The following TNFRSF21 variants were observed in gnomAD, a reference collection of about 807,000 sequenced individuals.
The protein encoded by TNFRSF21 is TNF receptor superfamily member 21.
TNFRSF21 carries 19 observed loss-of-function variants against 45.6 expected under a neutral mutation model. The observed-to-expected ratio is 0.42, with a 90% CI of 0.29 to 0.61. The LOEUF is 0.61. Among genes scored for constraint, TNFRSF21 ranks in the 20% least tolerant of loss-of-function variants. The pLI is 0.23. For synonymous variants in TNFRSF21, 314 were observed against 335.5 expected (o/e 0.94, Z 0.70); for missense variants, 737 against 851.5 (o/e 0.87, Z 1.67).
Position 47,232,969 on chromosome 6 carries a change from C to T in TNFRSF21, c.1764G>A (p.Gln588=). Reference sequence around the variant, plus strand: ...GCAAGTCACAGGGGTCCAGGCGTACCTGCCGCAACACTGTGTCCTTCTTTT... The same window carrying T: ...GCAAGTCACAGGGGTCCAGGCGTACTTGCCGCAACACTGTGTCCTTCTTTT... The part of the protein sequence containing the change: ...TKEKKDTVLR[Q]VRLDPCDLQP... Residue 588 remains glutamine (Q), a synonymous_variant, in exon 6 of 6, where the codon CAG becomes CAA. Transcript: ENST00000296861. 1 of 1,614,170 alleles carries T rather than the reference C, an allele frequency of 6.2e-7. No homozygotes were observed. The highest frequency in any genetic ancestry group is 8.5e-7 in the Non-Finnish European group (1 of 1,180,036).
chr6:47,253,185 T>C, intron 4 of TNFRSF21, 71 bp downstream of exon 4: 3 of 1,546,254 alleles, frequency 1.9e-6, no homozygotes, highest in South Asian at 1.2e-5. Context: ...TTTGTTCCCA[T>C]ACAACTGATA....
rs1194527203 is a variant in TNFRSF21 at position 47,284,575 on chromosome 6, A to C, written c.749-143T>G. On this transcript the variant is annotated intron_variant, in intron 2 of 5. Transcript: ENST00000296861. ...GGGGCTTAAGAATAAATTGTGTTGCACATTTTCATAAAGACCCTAATGGCA... is the reference window on the plus strand; with the variant it reads ...GGGGCTTAAGAATAAATTGTGTTGCCCATTTTCATAAAGACCCTAATGGCA... The C allele has an allele frequency of 2.9e-6, 3 of 1,018,876 alleles. No homozygotes were observed. The South Asian group carries it at 1.1e-4, about 36-fold the overall frequency. 63.1% of individuals were successfully genotyped at this position (1,018,876 alleles called of 1,614,324 possible). A position where few individuals can be genotyped will look rare whatever the true frequency, so the allele number is the denominator to read the frequency against.
In TNFRSF21 at chr6:47,309,636, C is replaced by G; in HGVS notation, c.-125G>C. The G allele has an allele frequency of 7.7e-7, 1 of 1,292,970 alleles. No homozygotes were observed. Among genetic ancestry groups the G allele is most frequent in the Non-Finnish European group, 9.9e-7 (1 of 1,007,050 alleles). 80.1% of individuals were successfully genotyped at this position (1,292,970 alleles called of 1,614,324 possible). ...CGGGAGCCCATCTACCTCCAACACC[C>G]CATGTGCACTGCTGCGGCCGGGCAG... On this transcript the variant is annotated 5_prime_UTR_variant, in exon 1 of 6. Coordinates refer to ENST00000296861, the MANE Select transcript of TNFRSF21 (RefSeq NM_014452.5).
chr6:47,290,211 GAGAAC>G (rs1762703402), intron 1 of TNFRSF21, among the ~76,000 whole-genome samples: 1 of 150,050 alleles, frequency 6.7e-6, no homozygotes, highest in Non-Finnish European at 1.5e-5. Flanking sequence ...TAAGAAAGAA[GAGAAC>G]TGAACCCAAG....
chr6:47,264,039 A>G (rs1291446461), intron 3 of TNFRSF21, among the ~76,000 whole-genome samples: 2 of 152,216 alleles, frequency 1.3e-5, no homozygotes, highest in Non-Finnish European at 2.9e-5. Flanking sequence ...AATTCCAGAA[A>G]TTCCTCTTCT....
rs189820697 is a variant in TNFRSF21, at chr6:47,249,259, T to C, written c.1509+3997A>G. On this transcript the variant is annotated intron_variant, in intron 4 of 5. Transcript: ENST00000296861. ...TCATCTTTGCATTGCCCAAAGTGCC[T>C]GTTATAATACTGTGCACAAAATGTG... 2.8e-3 allele frequency among the ~76,000 whole-genome samples: 430 copies of C among 152,356 alleles called. 1 individual carries two copies. The highest frequency in any genetic ancestry group is 4.9e-3 in the Non-Finnish European group (331 of 68,034).
chr6:47,249,065 G>A (rs769122449), intron 4 of TNFRSF21, among the ~76,000 whole-genome samples: 1 of 152,146 alleles, frequency 6.6e-6, no homozygotes, highest in Non-Finnish European at 1.5e-5. Flanking sequence ...CCCGGCACAC[G>A]TCTCCATACT....
At chr6:47,298,284 TAAAAAAA>T (rs558717941) in intron 1 of TNFRSF21, among the ~76,000 whole-genome samples, 11 of 74,408 alleles carry the variant, frequency 1.5e-4, no homozygotes, top group East Asian at 7.1e-4. Context: ...TACAAAAAAT[TAAAAAAA>T]AAAAAAAAAA....
intron 4 of TNFRSF21, among the ~76,000 whole-genome samples, chr6:47,239,145 G>A (rs895542612): frequency 3.9e-5 from 6 of 152,160 alleles, no homozygotes; most frequent in Admixed American, 3.9e-4. Flanking sequence ...AATTAGCCGG[G>A]CATGGTGGCA....
intron 4 of TNFRSF21, among the ~76,000 whole-genome samples, chr6:47,237,773 G>A (rs1764680858): frequency 6.6e-6 from 1 of 151,842 alleles, no homozygotes; most frequent in South Asian, 2.1e-4. Flanking sequence ...CATTTCAGTT[G>A]ACCATAACCA....
rs527464216 is a variant in TNFRSF21, at chr6:47,253,119, T to G, written c.1509+137A>C. The G allele has an allele frequency of 2.5e-5, 26 of 1,030,378 alleles. No homozygotes were observed. In the South Asian group the frequency reaches 4.1e-4, roughly 16 times the overall value. The allele number at this position is 1,030,378 out of a possible 1,614,324, so 63.8% of individuals were successfully genotyped here. A position where few individuals can be genotyped will look rare whatever the true frequency, so the allele number is the denominator to read the frequency against. ...AGAAGGTAGGGTGTGTGTGTGTGTG[T>G]GCAGGCGTATGCGTGTGTGTGTGTG... On this transcript the variant is annotated intron_variant, in intron 4 of 5. Transcript: ENST00000296861.
chr6:47,274,557 C>T (rs1762469432), intron 3 of TNFRSF21, among the ~76,000 whole-genome samples: 1 of 152,158 alleles, frequency 6.6e-6, no homozygotes, highest in East Asian at 1.9e-4. Context: ...CTAGGCAATA[C>T]CATTCAGGAC....
intron 3 of TNFRSF21, among the ~76,000 whole-genome samples, chr6:47,283,567 C>A (rs1016449475): frequency 2.6e-5 from 4 of 152,196 alleles, no homozygotes; most frequent in Admixed American, 2.6e-4. Flanking sequence ...GGAGTCTCGT[C>A]CCATCTGTCC....
chr6:47,262,682 G>A (rs1197614803), intron 3 of TNFRSF21, among the ~76,000 whole-genome samples: 2 of 152,170 alleles, frequency 1.3e-5, no homozygotes, highest in Non-Finnish European at 2.9e-5. Flanking sequence ...CAGATTATCT[G>A]TGGAAAGAGG....
intron 4 of TNFRSF21, 88 bp from the exon 5 acceptor site, chr6:47,234,986 C>A: frequency 1.3e-6 from 1 of 746,050 alleles, no homozygotes. Context: ...TTTTTTGTTC[C>A]ATTTAACATT....
intron 3 of TNFRSF21, among the ~76,000 whole-genome samples, chr6:47,283,662 A>G (rs1444859324): frequency 6.6e-6 from 1 of 152,224 alleles, no homozygotes; most frequent in Non-Finnish European, 1.5e-5. Context: ...GACAAGGTCA[A>G]ACAAAGTCCC....
intron 4 of TNFRSF21, among the ~76,000 whole-genome samples, chr6:47,245,786 T>A (rs1334047407): frequency 6.6e-6 from 1 of 152,212 alleles, no homozygotes; most frequent in Admixed American, 6.5e-5. Context: ...TGAAGTTGGA[T>A]AATTTATAAA....
intron 4 of TNFRSF21, among the ~76,000 whole-genome samples, chr6:47,246,686 G>A (rs1199329858): frequency 6.6e-6 from 1 of 152,142 alleles, no homozygotes; most frequent in East Asian, 1.9e-4. Flanking sequence ...AAGTAAAACA[G>A]ACGTTCTTTG....
At chr6:47,272,315 C>G (rs184147005) in intron 3 of TNFRSF21, among the ~76,000 whole-genome samples, 1 of 152,208 alleles carries the variant, frequency 6.6e-6, no homozygotes, top group Non-Finnish European at 1.5e-5. Flanking sequence ...AACAAACTGT[C>G]TCTCAGACCA....
Sources: allele counts gnomAD v4.1 joint callset (sites outside exome capture counted in the v4.1 genomes callset), GRCh38; gene constraint gnomAD v4.1.1; transcripts MANE v1.5; gene names NCBI Gene and HGNC (gene_info 2026-07-23, HGNC 2026-07-21).